HIP1: variants seen among roughly 807,000 people sequenced by gnomAD.
HIP1 encodes the protein huntingtin interacting protein 1.
In HIP1, 65 loss-of-function variants were observed where a neutral mutation model predicts 147.6. The ratio of observed to expected loss-of-function variants is 0.44; its 90% CI spans 0.36 to 0.54. HIP1 has a LOEUF of 0.54. Among genes scored for constraint, HIP1 ranks in the 20% least tolerant of loss-of-function variants. HIP1 has a pLI of 0.00. For missense variants in HIP1, 1,061 were observed against 1,299.6 expected, an observed-to-expected ratio of 0.82 and a Z score of 2.82; for synonymous variants, 479 against 504.0, an observed-to-expected ratio of 0.95 and a Z score of 0.67.
At chr7:75,616,687 G>C (rs1797681749) in intron 1 of HIP1, among the ~76,000 whole-genome samples, 1 of 152,108 alleles carries the variant, frequency 6.6e-6, no homozygotes, top group Non-Finnish European at 1.5e-5. Context: ...TTTACCATCT[G>C]GCCCTTTGCA....
At chr7:75,738,305 G>A (rs1206406391) in intron 1 of HIP1, among the ~76,000 whole-genome samples, 9 of 143,502 alleles carry the variant, frequency 6.3e-5, no homozygotes, top group African/African-American at 2.3e-4. Flanking sequence ...GAGAAAGGGG[G>A]ATGCTAAGGG....
chr7:75,649,012 G>A (rs1432697383), intron 1 of HIP1, among the ~76,000 whole-genome samples: 2 of 151,960 alleles, frequency 1.3e-5, no homozygotes, highest in Non-Finnish European at 2.9e-5. Context: ...GTCTCACTGA[G>A]TTGTCCAGGC....
At chr7:75,690,666 C>T (rs1200768097) in intron 1 of HIP1, among the ~76,000 whole-genome samples, 1 of 151,776 alleles carries the variant, frequency 6.6e-6, no homozygotes, top group African/African-American at 2.4e-5. Context: ...AGTTGGAGAC[C>T]AGCCTGGCCA....
intron 1 of HIP1, among the ~76,000 whole-genome samples, chr7:75,688,544 G>T (rs1554517818): frequency 6.6e-6 from 1 of 152,016 alleles, no homozygotes; most frequent in African/African-American, 2.4e-5. Context: ...ATCTGCTTGG[G>T]CATCCAGGAC....
intron 1 of HIP1, among the ~76,000 whole-genome samples, chr7:75,631,441 G>A (rs1798217220): frequency 1.3e-5 from 2 of 152,224 alleles, no homozygotes; most frequent in Admixed American, 6.5e-5. Flanking sequence ...CAAAGCCCAG[G>A]CTCAGCATCT....
rs587774611 is a variant in HIP1 at position 75,536,310 on chromosome 7, T to C, written c.*1862A>G. 3.9e-4 allele frequency: 56 copies of C among 143,150 alleles called. No individual in the cohort carries two copies. The South Asian group carries it at 0.013, about 34-fold the overall frequency. 8.9% of individuals were successfully genotyped at this position (143,150 alleles called of 1,614,324 possible). A position where few individuals can be genotyped will look rare whatever the true frequency, so the allele number is the denominator to read the frequency against. ...AGGTCCTGGGAGAGAGTTTTTTGAATGTCCCACTTAGAAAATGCACAGAGA... is the reference window on the plus strand; with the variant it reads ...AGGTCCTGGGAGAGAGTTTTTTGAACGTCCCACTTAGAAAATGCACAGAGA... On this transcript the variant is annotated 3_prime_UTR_variant, in exon 31 of 31. Transcript: ENST00000336926.
intron 14 of HIP1, among the ~76,000 whole-genome samples, chr7:75,559,435 G>C (rs1795138050): frequency 6.6e-6 from 1 of 152,112 alleles, no homozygotes. Context: ...CAATTTCTTT[G>C]TTAGGACCTC....
chr7:75,554,248 C>T (rs1794905920), intron 20 of HIP1, 28 bp from the exon 21 acceptor site: 3 of 1,584,402 alleles, frequency 1.9e-6, no homozygotes, highest in South Asian at 2.2e-5. Flanking sequence ...AGAAGTTTCT[C>T]AGGTCTGGTT....
At chr7:75,715,805 C>CT in intron 1 of HIP1, among the ~76,000 whole-genome samples, 1 of 116,336 alleles carries the variant, frequency 8.6e-6, no homozygotes, top group Admixed American at 8.7e-5. Flanking sequence ...AAAAAGATGT[C>CT]TATCTGGCTC....
At chr7:75,645,718 G>C (rs138640846) in intron 1 of HIP1, among the ~76,000 whole-genome samples, 3 of 152,268 alleles carry the variant, frequency 2.0e-5, no homozygotes, top group African/African-American at 7.2e-5. Flanking sequence ...GGTTAGATAA[G>C]GAAAAGGTGG....
chr7:75,542,654 G>A (rs1324859660), intron 28 of HIP1, among the ~76,000 whole-genome samples, 197 bp downstream of exon 28: 3 of 151,992 alleles, frequency 2.0e-5, no homozygotes, highest in Non-Finnish European at 2.9e-5. Context: ...AGCAGAGATG[G>A]TACCACTGCA....
rs56213047 is a variant in HIP1, at chr7:75,670,801, T to TTTTTTTTC, written c.120+67999_120+68000insGAAAAAAA. Among the ~76,000 whole-genome samples the TTTTTTTTC allele has an allele frequency of 6.1e-5, 9 of 147,842 alleles. No homozygotes were observed. In the South Asian group the frequency reaches 6.5e-4, roughly 11 times the overall value. On this transcript the variant is annotated intron_variant, in intron 1 of 30. Transcript: ENST00000336926. ...CTAATTAAAACTTTTTTTTTTTTTTTGGTAGAGATAGGGTCTTGCTATGTA... is the reference window on the plus strand; with the variant it reads ...CTAATTAAAACTTTTTTTTTTTTTTTTTTTTTTCGGTAGAGATAGGGTCTTGCTATGTA...
intron 4 of HIP1, among the ~76,000 whole-genome samples, chr7:75,590,078 A>G (rs1340647213): frequency 6.6e-6 from 1 of 152,168 alleles, no homozygotes; most frequent in Non-Finnish European, 1.5e-5. Context: ...AGCCACCAGT[A>G]GGCTCTCAAT....
At chr7:75,611,650 G>A in intron 1 of HIP1, 2 of 1,020,758 alleles carry the variant, frequency 2.0e-6, no homozygotes, top group Non-Finnish European at 1.2e-6. Flanking sequence ...GGGCAGTGCG[G>A]GGCTGGGTGT....
At chr7:75,703,926 A>T (rs1487193249) in intron 1 of HIP1, among the ~76,000 whole-genome samples, 1 of 152,044 alleles carries the variant, frequency 6.6e-6, no homozygotes, top group Non-Finnish European at 1.5e-5. Context: ...AGAGCTGCCG[A>T]CCCGAAGCCT....
intron 1 of HIP1, among the ~76,000 whole-genome samples, chr7:75,685,571 G>A (rs576365609): frequency 1.3e-5 from 2 of 152,174 alleles, no homozygotes; most frequent in Non-Finnish European, 2.9e-5. Flanking sequence ...TTTGTGAGAC[G>A]AAGTCTCGCT....
chr7:75,622,372 TG>T (rs1797872051), intron 1 of HIP1, among the ~76,000 whole-genome samples: 1 of 151,756 alleles, frequency 6.6e-6, no homozygotes, highest in Non-Finnish European at 1.5e-5. Flanking sequence ...ATGAGATGTC[TG>T]GGGACAGCCT....
chr7:75,735,699 T>C (rs1268837761), intron 1 of HIP1, among the ~76,000 whole-genome samples: 35 of 151,178 alleles, frequency 2.3e-4, no homozygotes, highest in Admixed American at 2.2e-3. Flanking sequence ...TTTTTCTTTT[T>C]TTTTTATTTG....
intron 2 of HIP1, 144 bp downstream of exon 2, chr7:75,599,040 C>G: frequency 1.6e-6 from 1 of 640,280 alleles, no homozygotes; most frequent in Non-Finnish European, 2.8e-6. Flanking sequence ...CTCTGAGAAG[C>G]TGCCGTCATC....
Sources: gnomAD v4.1 joint callset for allele counts (sites outside exome capture counted in the v4.1 genomes callset) on GRCh38, gnomAD v4.1.1 for gene constraint, MANE v1.5 for transcripts, NCBI Gene and HGNC (gene_info 2026-07-23, HGNC 2026-07-21) for gene names.